The following NUDT1 variants were observed in gnomAD, a reference collection of about 807,000 sequenced individuals.
NUDT1 encodes oxidized purine nucleoside triphosphate hydrolase.
A neutral mutation model predicts 11.3 loss-of-function variants in NUDT1; 16 were observed. The observed-to-expected ratio is 1.41, with a 90% CI of 0.96 to 2.15. The LOEUF is 2.15. Ranked by LOEUF, NUDT1 falls within the 30% of genes most tolerant of loss-of-function variation. The pLI is 0.00. For missense variants in NUDT1, 234 were observed against 208.4 expected, an observed-to-expected ratio of 1.12 and a Z score of -0.76; for synonymous variants, 101 against 84.4, an observed-to-expected ratio of 1.20 and a Z score of -1.08.
At chr7:2,245,647 C>T (rs1404526072) in intron 2 of NUDT1, among the ~76,000 whole-genome samples, 3 of 152,132 alleles carry the variant, frequency 2.0e-5, no homozygotes, top group African/African-American at 4.8e-5. Flanking sequence ...CAGCCTCAAA[C>T]TCTTGGGCTC....
At chr7:2,244,788 T>A in intron 2 of NUDT1, 62 bp downstream of exon 2, 1 of 1,557,774 alleles carries the variant, frequency 6.4e-7, no homozygotes, top group Non-Finnish European at 8.7e-7. Context: ...ATTCGGGCTG[T>A]AGGGCCACAC....
chr7:2,250,192 C>T (rs1283047167), intron 3 of NUDT1, among the ~76,000 whole-genome samples, 190 bp downstream of exon 3: 3 of 152,250 alleles, frequency 2.0e-5, no homozygotes, highest in African/African-American at 7.2e-5. Flanking sequence ...AGCGTACCTG[C>T]CCCTGCTCTG....
intron 2 of NUDT1, among the ~76,000 whole-genome samples, chr7:2,247,119 T>C (rs576525818): frequency 1.5e-4 from 23 of 152,246 alleles, no homozygotes; most frequent in Non-Finnish European, 3.1e-4. Flanking sequence ...CTTCAGTACC[T>C]GCGAGTCTGA....
At chr7:2,250,800 C>T (rs1467238764) in intron 3 of NUDT1, 29 bp from the exon 4 acceptor site, 1 of 1,613,850 alleles carries the variant, frequency 6.2e-7, no homozygotes, top group Non-Finnish European at 8.5e-7. Flanking sequence ...GGTTGCACCT[C>T]AGTGCCTCCT....
At chr7:2,250,556 C>T (rs1794958324) in intron 3 of NUDT1, among the ~76,000 whole-genome samples, 1 of 152,244 alleles carries the variant, frequency 6.6e-6, no homozygotes, top group South Asian at 2.1e-4. Flanking sequence ...CTCCCAGGTT[C>T]ACACCATTCT....
intron 2 of NUDT1, among the ~76,000 whole-genome samples, chr7:2,245,621 C>T (rs1794739690): frequency 6.6e-6 from 1 of 152,178 alleles, no homozygotes; most frequent in Admixed American, 6.5e-5. Flanking sequence ...ACCCATGGCA[C>T]ACTCTTGGCT....
At chr7:2,249,342 C>G (rs1255370635) in intron 2 of NUDT1, 1 of 169,742 alleles carries the variant, frequency 5.9e-6, no homozygotes, top group Non-Finnish European at 1.3e-5. Flanking sequence ...AAAGACATTT[C>G]TTTGGGCAGA....
In NUDT1 at chr7:2,251,037, G is replaced by C; in HGVS notation, c.*36G>C. 6.2e-7 allele frequency: 1 copy of C among 1,610,952 alleles called. No individual in the cohort carries two copies. Among genetic ancestry groups the C allele is most frequent in the East Asian group, 2.2e-5 (1 of 44,848 alleles). Reference sequence around the variant, plus strand: ...GGGCAGCCCCTGGGCAGGAGACGTGGCTGCTGAACAGCCGCAAACCATCTT... The same window carrying C: ...GGGCAGCCCCTGGGCAGGAGACGTGCCTGCTGAACAGCCGCAAACCATCTT... On this transcript the variant is annotated 3_prime_UTR_variant, in exon 4 of 4. Transcript: ENST00000356714.
chr7:2,244,841 G>GTCC, intron 2 of NUDT1, 115 bp downstream of exon 2: 7 of 1,274,108 alleles, frequency 5.5e-6, no homozygotes, highest in Non-Finnish European at 7.6e-6. Context: ...GGAGCAGGGG[G>GTCC]TTAAGCGTGA....
chr7:2,242,307 G>T, intron 1 of NUDT1, 51 bp downstream of exon 1: 1 of 815,546 alleles, frequency 1.2e-6, no homozygotes, highest in South Asian at 1.9e-5. Flanking sequence ...CCAGGGAGGG[G>T]AGCCGGGCCA....
chr7:2,250,384 G>C (rs570296906), intron 3 of NUDT1, among the ~76,000 whole-genome samples: 1 of 152,164 alleles, frequency 6.6e-6, no homozygotes, highest in Non-Finnish European at 1.5e-5. Flanking sequence ...GAGGATCGTT[G>C]AGCCCAGGAG....
chr7:2,243,048 G>A (rs1238912074), intron 1 of NUDT1: 1 of 716,594 alleles, frequency 1.4e-6, no homozygotes, highest in Non-Finnish European at 2.6e-6. Context: ...GGAGTGGGAA[G>A]GTGATTTTCC....
intron 3 of NUDT1, 151 bp downstream of exon 3, chr7:2,250,153 A>T (rs1174201872): frequency 1.9e-6 from 2 of 1,037,496 alleles, no homozygotes; most frequent in African/African-American, 1.6e-5. Flanking sequence ...GGGGCCCATG[A>T]GCCGTGGTCT....
At chr7:2,242,826 G>A (rs764242843) in intron 1 of NUDT1, 1 of 656,204 alleles carries the variant, frequency 1.5e-6, no homozygotes, top group Non-Finnish European at 2.8e-6. Context: ...GCATGTGTTA[G>A]AGGGTGCTCT....
chr7:2,246,138 T>C (rs1181847363), intron 2 of NUDT1, among the ~76,000 whole-genome samples: 1 of 152,190 alleles, frequency 6.6e-6, no homozygotes, highest in African/African-American at 2.4e-5. Context: ...GGGGGTTCTC[T>C]GCCCAGCCCT....
chr7:2,246,788 G>A (rs530222779), intron 2 of NUDT1, among the ~76,000 whole-genome samples: 88 of 152,252 alleles, frequency 5.8e-4, no homozygotes, highest in Middle Eastern at 3.4e-3. Context: ...TTCCATCCTC[G>A]GGTGTAACCT....
intron 2 of NUDT1, among the ~76,000 whole-genome samples, chr7:2,246,480 G>A (rs1794770937): frequency 6.6e-6 from 1 of 152,248 alleles, no homozygotes; most frequent in Middle Eastern, 3.2e-3. Flanking sequence ...CAGAGAAGTG[G>A]TGGGTGTGAG....
chr7:2,246,244 C>T (rs1404180958), intron 2 of NUDT1, among the ~76,000 whole-genome samples: 1 of 152,194 alleles, frequency 6.6e-6, no homozygotes, highest in African/African-American at 2.4e-5. Flanking sequence ...CAGGTCAGTC[C>T]CTGCCTCTGT....
At chr7:2,249,463 G>A (rs868294849) in intron 2 of NUDT1, 9 of 269,646 alleles carry the variant, frequency 3.3e-5, no homozygotes, top group Non-Finnish European at 5.8e-5. Context: ...GCAAGTAACC[G>A]GGAATGAAGG....
Sources: allele counts gnomAD v4.1 joint callset (sites outside exome capture counted in the v4.1 genomes callset), GRCh38; gene constraint gnomAD v4.1.1; transcripts MANE v1.5; gene names NCBI Gene and HGNC (gene_info 2026-07-23, HGNC 2026-07-21).